Variants in PRKCZ observed in about 807,000 individuals in gnomAD.
The protein encoded by PRKCZ is protein kinase C zeta.
Under a neutral mutation model 79.5 loss-of-function variants are expected in PRKCZ, and 33 were observed. That is an observed-to-expected ratio of 0.41 (90% CI 0.31 to 0.55). PRKCZ has a LOEUF of 0.55. PRKCZ is among the 20% of genes least tolerant of loss of function. PRKCZ has a pLI of 0.19. For synonymous variants in PRKCZ, 342 were observed against 320.9 expected, an observed-to-expected ratio of 1.07 and a Z score of -0.70; for missense variants, 578 against 813.5, an observed-to-expected ratio of 0.71 and a Z score of 3.52.
At chr1:2,184,337 G>C (rs991669967) in intron 16 of PRKCZ, 2 of 441,664 alleles carry the variant, frequency 4.5e-6, no homozygotes, top group African/African-American at 2.0e-5. Context: ...TGGGGATCCT[G>C]CTCCGTCCCA....
intron 4 of PRKCZ, chr1:2,104,755 C>T: frequency 2.0e-6 from 2 of 985,830 alleles, no homozygotes; most frequent in Non-Finnish European, 2.4e-6. Flanking sequence ...ACGCAGCGGG[C>T]TGGCCTGCGG....
chr1:2,135,188 C>T (rs1293643746), intron 4 of PRKCZ, 74 bp from the exon 5 acceptor site: 1 of 1,316,892 alleles, frequency 7.6e-7, no homozygotes, highest in African/African-American at 1.5e-5. Flanking sequence ...CGGGAGTGGC[C>T]TGTCGCAGCT....
intron 2 of PRKCZ, 83 bp from the exon 3 acceptor site, chr1:2,056,401 G>T: frequency 7.8e-7 from 1 of 1,282,194 alleles, no homozygotes; most frequent in South Asian, 1.4e-5. Flanking sequence ...CCAGACCCTT[G>T]TCTGGTGTGC....
chr1:2,104,218 C>G (rs1025281732), intron 4 of PRKCZ, among the ~76,000 whole-genome samples: 4 of 152,124 alleles, frequency 2.6e-5, no homozygotes, highest in Admixed American at 2.6e-4. Context: ...CCCTCATCAC[C>G]TCACTGGGAT....
At chr1:2,072,103 A>G (rs745327430) in intron 4 of PRKCZ, among the ~76,000 whole-genome samples, 1 of 152,242 alleles carries the variant, frequency 6.6e-6, no homozygotes, top group Non-Finnish European at 1.5e-5. Context: ...AGTCGAGTGA[A>G]ACGCATGTGT....
In PRKCZ at chr1:2,182,043, C is replaced by G. The variant is rs199568829; in HGVS notation, c.1576-2540C>G. On this transcript the variant is annotated intron_variant, in intron 16 of 17. Coordinates refer to ENST00000378567, the MANE Select transcript of PRKCZ (RefSeq NM_002744.6). The stretch of plus-strand genomic sequence containing the variant: ...CCAGCTTTGAGACACCGCCCTGACA[C>G]GTGTCCAGCCTTACGTGGAAGGATT... 291 of 345,122 alleles carry G rather than the reference C, an allele frequency of 8.4e-4. 1 individual carries two copies. Among genetic ancestry groups the G allele is most frequent in the Non-Finnish European group, 1.6e-3 (269 of 171,564 alleles). The allele number at this position is 345,122 out of a possible 1,614,324, so 21.4% of individuals were successfully genotyped here. A position where few individuals can be genotyped will look rare whatever the true frequency, so the allele number is the denominator to read the frequency against.
At chr1:2,118,000 T>TTTTTTTTTTC (rs1671089294) in intron 4 of PRKCZ, among the ~76,000 whole-genome samples, 1 of 126,392 alleles carries the variant, frequency 7.9e-6, no homozygotes, top group East Asian at 2.3e-4. Flanking sequence ...TATTATTTCT[T>TTTTTTTTTTC]TTTTTTTTTT....
At chr1:2,093,467 C>G (rs1224775934) in intron 4 of PRKCZ, among the ~76,000 whole-genome samples, 1 of 152,110 alleles carries the variant, frequency 6.6e-6, no homozygotes. Flanking sequence ...CTGGCCTGGT[C>G]CAGCCCCCAG....
chr1:2,135,180 G>A (rs907872210), intron 4 of PRKCZ, 82 bp from the exon 5 acceptor site: 1 of 1,235,230 alleles, frequency 8.1e-7, no homozygotes, highest in South Asian at 1.3e-5. Context: ...CACCTGGACG[G>A]GAGTGGCCTG....
At chr1:2,179,889 G>A (rs575536318) in intron 16 of PRKCZ, among the ~76,000 whole-genome samples, 7 of 152,300 alleles carry the variant, frequency 4.6e-5, no homozygotes, top group African/African-American at 1.4e-4. Context: ...GCAAGGAGCC[G>A]GCGGCAGGGA....
At position 2,150,821 on chromosome 1, in the gene PRKCZ, G is replaced by C. The variant is rs1490269824; in HGVS notation, c.719G>C (p.Gly240Ala). The change falls in exon 9 of 18, where the codon GGA becomes GCA. Residue 240 changes from glycine (G) to alanine (A), a missense_variant. By Grantham distance (60) the Gly-to-Ala change is moderately conservative. Transcript: ENST00000378567. ...AAGCCAGTTATCGATGGGATGGATG[G>C]AATCAAAATCTCTCAGGGGCTTGGG... ...DLKPVIDGMD[G>A]IKISQGLGLQ... The C allele has an allele frequency of 1.2e-6, 2 of 1,614,134 alleles. No individual in the cohort carries two copies. Among genetic ancestry groups the C allele is most frequent in the East Asian group, 2.2e-5 (1 of 44,882 alleles).
At chr1:2,181,824 A>G (rs1300570816) in intron 16 of PRKCZ, 4 of 456,018 alleles carry the variant, frequency 8.8e-6, no homozygotes, top group South Asian at 4.6e-5. Flanking sequence ...TTCACATTTT[A>G]TCGGCAGGTG....
intron 4 of PRKCZ, among the ~76,000 whole-genome samples, chr1:2,098,953 T>A (rs1382182287): frequency 1.3e-5 from 2 of 152,232 alleles, no homozygotes. Flanking sequence ...AGTGCTGGGA[T>A]GACAGGCGTG....
chr1:2,102,546 A>C (rs1327668561), intron 4 of PRKCZ, among the ~76,000 whole-genome samples: 2 of 151,698 alleles, frequency 1.3e-5, no homozygotes, highest in South Asian at 2.1e-4. Context: ...GTTAGCCGGG[A>C]TGGTCTCGAT....
chr1:2,136,790 T>A (rs568580152), intron 5 of PRKCZ, among the ~76,000 whole-genome samples: 43 of 152,234 alleles, frequency 2.8e-4, no homozygotes, highest in Admixed American at 2.6e-3. Flanking sequence ...AGGACACACG[T>A]TGTGAGTCTT....
chr1:2,114,228 CTT>C (rs1670307326), intron 4 of PRKCZ, among the ~76,000 whole-genome samples: 1 of 143,902 alleles, frequency 6.9e-6, no homozygotes, highest in Non-Finnish European at 1.5e-5. Flanking sequence ...GCAGGTTCGT[CTT>C]GTGTGTTGAG....
chr1:2,078,462 T>G (rs757379804), intron 4 of PRKCZ, among the ~76,000 whole-genome samples: 2 of 152,232 alleles, frequency 1.3e-5, no homozygotes, highest in Non-Finnish European at 2.9e-5. Context: ...TGTGTGTTTT[T>G]CTCCTGAAAG....
In PRKCZ at chr1:2,144,086, C is replaced by T. The variant is rs571207732; in HGVS notation, c.421-124C>T. 6.3e-4 allele frequency: 870 copies of T among 1,378,342 alleles called. 10 individuals carry two copies. In the South Asian group the frequency reaches 0.01, roughly 16 times the overall value. The allele number at this position is 1,378,342 out of a possible 1,614,324, so 85.4% of individuals were successfully genotyped here. Reference sequence around the variant, plus strand: ...CTGGCGCCCGGAAGGGACAAGGTGCCGGGGCCACCTGTTGCCCGGCTCAGT... The same window carrying T: ...CTGGCGCCCGGAAGGGACAAGGTGCTGGGGCCACCTGTTGCCCGGCTCAGT... On this transcript the variant is annotated intron_variant, in intron 5 of 17. Coordinates refer to ENST00000378567, the MANE Select transcript of PRKCZ (RefSeq NM_002744.6).
intron 10 of PRKCZ, among the ~76,000 whole-genome samples, chr1:2,157,266 G>A (rs531393697): frequency 1.3e-5 from 2 of 152,300 alleles, no homozygotes; most frequent in South Asian, 4.1e-4. Context: ...CAACAGGCAT[G>A]CCCGGAAGTC....
Sources: gnomAD v4.1 joint callset for allele counts (sites outside exome capture counted in the v4.1 genomes callset) on GRCh38, gnomAD v4.1.1 for gene constraint, MANE v1.5 for transcripts, NCBI Gene and HGNC (gene_info 2026-07-23, HGNC 2026-07-21) for gene names.